TSPAN2: variants seen among roughly 807,000 people sequenced by gnomAD.
TSPAN2 encodes tetraspanin 2.
Under a neutral mutation model 33.3 loss-of-function variants are expected in TSPAN2, and 24 were observed. That is an observed-to-expected ratio of 0.72 (90% CI 0.52 to 1.01). The LOEUF (loss-of-function observed/expected upper bound fraction) is 1.01. Among genes scored for constraint, TSPAN2 ranks in the 50% least tolerant of loss-of-function variants. The pLI, the probability that TSPAN2 is intolerant of heterozygous loss-of-function variation, is 0.00. For synonymous variants in TSPAN2, 114 were observed against 104.5 expected (o/e 1.09, Z -0.56); for missense variants, 278 against 281.3 (o/e 0.99, Z 0.08).
In TSPAN2 at chr1:115,058,910, A is replaced by AT; in HGVS notation, c.416dup (p.Asn139LysfsTer39). 1 of 1,613,932 alleles carries AT rather than the reference A, an allele frequency of 6.2e-7. No individual in the cohort carries two copies. Among genetic ancestry groups the AT allele is most frequent in the Non-Finnish European group, 8.5e-7 (1 of 1,179,826 alleles). ...TTGAGTGGAAGGTGATGAGTGTCCC[A>AT]TTGCCTTTTCCCCTGTCTTTAAGGT... is the stretch of plus-strand genomic sequence containing the variant. On this transcript the variant is annotated frameshift_variant, in exon 5 of 8. Coordinates refer to ENST00000369516, the MANE Select transcript of TSPAN2 (RefSeq NM_005725.6). LOFTEE classifies it high-confidence loss of function.
chr1:115,061,459 CAAACATA>C (rs770487679), intron 3 of TSPAN2, among the ~76,000 whole-genome samples: 1 of 152,204 alleles, frequency 6.6e-6, no homozygotes, highest in Non-Finnish European at 1.5e-5. Context: ...TTATTGATCT[CAAACATA>C]AATGTTTTCC....
chr1:115,064,441 T>C (rs1294428628), intron 2 of TSPAN2, among the ~76,000 whole-genome samples: 2 of 152,284 alleles, frequency 1.3e-5, no homozygotes, highest in East Asian at 3.9e-4. Context: ...TACAGAACAG[T>C]TTCCCCCAAA....
chr1:115,075,286 C>T (rs112836329), intron 1 of TSPAN2, among the ~76,000 whole-genome samples: 9 of 152,300 alleles, frequency 5.9e-5, no homozygotes, highest in African/African-American at 1.9e-4. Flanking sequence ...TAACCCCCAA[C>T]CACACGGGTT....
chr1:115,059,220 C>A (rs1393268052), intron 4 of TSPAN2, among the ~76,000 whole-genome samples: 10 of 151,992 alleles, frequency 6.6e-5, no homozygotes, highest in African/African-American at 2.4e-4. Flanking sequence ...CTCAGAAATC[C>A]CCACTAGAGA....
Position 115,048,806 on chromosome 1 carries a change from A to T in TSPAN2, c.*1684T>A, listed in dbSNP as rs1221811211. On this transcript the variant is annotated 3_prime_UTR_variant, in exon 8 of 8. Transcript: ENST00000369516. Reference sequence around the variant, plus strand: ...TCTTTAGCTACAGACACAGTAAAGTAGCCATGTATAATTAAGTTTTTAGCT... The same window carrying T: ...TCTTTAGCTACAGACACAGTAAAGTTGCCATGTATAATTAAGTTTTTAGCT... 1 of 152,170 alleles carries T rather than the reference A, an allele frequency of 6.6e-6. No individual in the cohort carries two copies. Among genetic ancestry groups the T allele is most frequent in the African/African-American group, 2.4e-5 (1 of 41,462 alleles). 9.4% of individuals were successfully genotyped at this position (152,170 alleles called of 1,614,324 possible).
At chr1:115,082,980 A>G (rs1648686129) in intron 1 of TSPAN2, among the ~76,000 whole-genome samples, 1 of 152,230 alleles carries the variant, frequency 6.6e-6, no homozygotes, top group Non-Finnish European at 1.5e-5. Context: ...AGGTGGGATA[A>G]CGCATATGAA....
intron 1 of TSPAN2, among the ~76,000 whole-genome samples, chr1:115,084,658 T>C (rs1557886212): frequency 6.6e-6 from 1 of 152,238 alleles, no homozygotes; most frequent in African/African-American, 2.4e-5. Flanking sequence ...TATGGGCTGG[T>C]CTCCAAAGAA....
chr1:115,084,224 A>T, intron 1 of TSPAN2, among the ~76,000 whole-genome samples: 1 of 152,328 alleles, frequency 6.6e-6, no homozygotes. Context: ...CATACTTATA[A>T]CCTTACATAT....
chr1:115,083,168 T>C (rs574611916), intron 1 of TSPAN2, among the ~76,000 whole-genome samples: 1 of 152,334 alleles, frequency 6.6e-6, no homozygotes, highest in Non-Finnish European at 1.5e-5. Flanking sequence ...CATGACATGA[T>C]TTGTTTCAGT....
rs774190777 is a variant in TSPAN2, at chr1:115,072,995, C to A, written c.82G>T (p.Ala28Ser). ...AACCATAGTCCAAAAGCAATGACGG[C>A]CGATCCAGCCAGCTGGAAGGCAAAC... The part of the protein sequence containing the change: ...FNLLFWLAGS[A>S]VIAFGLWFRF... The change falls in exon 2 of 8, where the codon GCC (alanine) becomes TCC (serine). Residue 28 changes from alanine (A) to serine (S), a missense_variant. Coordinates refer to ENST00000369516, the MANE Select transcript of TSPAN2 (RefSeq NM_005725.6). 1.9e-5 allele frequency: 31 copies of A among 1,614,062 alleles called. No homozygotes were observed. The highest frequency in any genetic ancestry group is 2.3e-5 in the Non-Finnish European group (27 of 1,180,034).
In TSPAN2 at chr1:115,073,090, C is replaced by T. The variant is rs539445952; in HGVS notation, c.70-83G>A. ...GAGAGCAGGCTCTAGGCACAGGATG[C>T]TGACAAGGTCACCCCTTTGGAAATC... On this transcript the variant is annotated intron_variant, in intron 1 of 7. Transcript: ENST00000369516. 237 of 1,155,742 alleles carry T rather than the reference C, an allele frequency of 2.1e-4. 3 individuals carry two copies. In the South Asian group the frequency reaches 2.8e-3, roughly 14 times the overall value. 71.6% of individuals were successfully genotyped at this position (1,155,742 alleles called of 1,614,324 possible).
intron 1 of TSPAN2, among the ~76,000 whole-genome samples, chr1:115,074,232 A>T (rs549091474): frequency 2.7e-4 from 41 of 152,328 alleles, no homozygotes; most frequent in South Asian, 8.3e-4. Flanking sequence ...GAGACAGCAT[A>T]GTCCTTTTTA....
chr1:115,081,332 C>G (rs1417899757), intron 1 of TSPAN2, among the ~76,000 whole-genome samples: 2 of 152,164 alleles, frequency 1.3e-5, no homozygotes, highest in Non-Finnish European at 2.9e-5. Context: ...ACCCCTGGCC[C>G]TGCTCAGCCT....
chr1:115,073,336 T>C (rs1050380158), intron 1 of TSPAN2, among the ~76,000 whole-genome samples: 3 of 152,204 alleles, frequency 2.0e-5, no homozygotes, highest in Admixed American at 1.3e-4. Flanking sequence ...ACATTCCCTC[T>C]GGAAGGCATC....
intron 1 of TSPAN2, among the ~76,000 whole-genome samples, chr1:115,076,634 A>G (rs1330884360): frequency 6.6e-6 from 1 of 152,174 alleles, no homozygotes; most frequent in African/African-American, 2.4e-5. Context: ...AACAATTACA[A>G]CTAGAAACAT....
Position 115,070,221 on chromosome 1 carries a change from C to T in TSPAN2, c.172+2684G>A, listed in dbSNP as rs537713701. Among the ~76,000 whole-genome samples, 5 of 152,246 alleles carry T rather than the reference C, an allele frequency of 3.3e-5. No homozygotes were observed. The East Asian group carries it at 9.6e-4, about 29-fold the overall frequency. ...ACTCTGCCTCTCACTACCTCTTTTG[C>T]CATTTTGATTTCTTCTGTCCCTGAG... On this transcript the variant is annotated intron_variant, in intron 2 of 7. Coordinates refer to ENST00000369516, the MANE Select transcript of TSPAN2 (RefSeq NM_005725.6).
At chr1:115,053,875 C>T (rs1451061237) in intron 6 of TSPAN2, among the ~76,000 whole-genome samples, 3 of 152,056 alleles carry the variant, frequency 2.0e-5, no homozygotes, top group African/African-American at 7.3e-5. Context: ...TGTCTTTGAC[C>T]CAATTTACTA....
intron 6 of TSPAN2, 114 bp downstream of exon 6, chr1:115,057,423 C>T (rs1647475182): frequency 1.0e-6 from 1 of 992,438 alleles, no homozygotes; most frequent in Non-Finnish European, 1.6e-6. Flanking sequence ...CTCTATGCTG[C>T]CACTAGAGCA....
chr1:115,077,893 G>T (rs1648477764), intron 1 of TSPAN2, among the ~76,000 whole-genome samples: 1 of 152,240 alleles, frequency 6.6e-6, no homozygotes. Context: ...CTGCCCAGCT[G>T]TCCTCCTTTT....
Sources: gnomAD v4.1 joint callset for allele counts (sites outside exome capture counted in the v4.1 genomes callset) on GRCh38, gnomAD v4.1.1 for gene constraint, MANE v1.5 for transcripts, NCBI Gene and HGNC (gene_info 2026-07-23, HGNC 2026-07-21) for gene names.